The following PKD2L1 variants were observed in gnomAD, a reference collection of about 807,000 sequenced individuals.
The protein encoded by PKD2L1 is polycystin 2 like 1, transient receptor potential cation channel.
In PKD2L1, 77 loss-of-function variants were observed where a neutral mutation model predicts 93.0. The ratio of observed to expected loss-of-function variants is 0.83; its 90% CI spans 0.69 to 1.00. The LOEUF (loss-of-function observed/expected upper bound fraction) is 1.00. Among genes scored for constraint, PKD2L1 ranks in the 50% least tolerant of loss-of-function variants. The probability of loss-of-function intolerance (pLI) is 0.00; values close to 1 mark genes in which losing one functional copy is unlikely to be tolerated. For synonymous variants in PKD2L1, 390 were observed against 388.0 expected (o/e 1.01, Z -0.06); for missense variants, 977 against 990.9 (o/e 0.99, Z 0.19).
chr10:100,290,747 T>C (rs1165099764), intron 12 of PKD2L1, among the ~76,000 whole-genome samples: 3 of 152,192 alleles, frequency 2.0e-5, no homozygotes, highest in Non-Finnish European at 4.4e-5. Context: ...GAAGGCTTGA[T>C]GGATGAGGTA....
In PKD2L1 at chr10:100,289,970, G is replaced by A. The variant is rs561510208; in HGVS notation, c.2250+45C>T. On this transcript the variant is annotated intron_variant, in intron 14 of 15. Coordinates refer to ENST00000318222, the MANE Select transcript of PKD2L1 (RefSeq NM_016112.3). The stretch of plus-strand genomic sequence containing the variant: ...CCCACTGAGTGGAAAAGATGGCAGA[G>A]TTCAGCTGTGAGGAACTAGGAGGAC... 3.1e-6 allele frequency: 5 copies of A among 1,612,022 alleles called. No individual in the cohort carries two copies. The African/African-American group carries it at 6.7e-5, about 22-fold the overall frequency.
At chr10:100,290,652 CAGACTCTGG>C (rs1848387154) in intron 12 of PKD2L1, 133 bp from the exon 13 acceptor site, 1 of 628,574 alleles carries the variant, frequency 1.6e-6, no homozygotes, top group Admixed American at 2.8e-5. Context: ...CCTTCCCTCC[CAGACTCTGG>C]AGACAATAGG....
chr10:100,316,042 C>T (rs1331292460), intron 2 of PKD2L1, among the ~76,000 whole-genome samples: 2 of 152,228 alleles, frequency 1.3e-5, no homozygotes, highest in East Asian at 3.8e-4. Context: ...CTCTCCCTGA[C>T]CACTTTGTCT....
chr10:100,330,190 G>T lies in PKD2L1; in HGVS notation c.-87C>A. On this transcript the variant is annotated 5_prime_UTR_variant, in exon 1 of 16. The change creates a new upstream start codon in the 5' untranslated region. Coordinates refer to ENST00000318222, the MANE Select transcript of PKD2L1 (RefSeq NM_016112.3). The stretch of plus-strand genomic sequence containing the variant: ...GCAGAGGCACAGCCCAGCCTAGCCA[G>T]CAGAGAGCAAATGGAAAGGCGTCTG... 1 of 813,020 alleles carries T rather than the reference G, an allele frequency of 1.2e-6. No homozygotes were observed. Among genetic ancestry groups the T allele is most frequent in the Non-Finnish European group, 1.9e-6 (1 of 514,724 alleles). 50.4% of individuals were successfully genotyped at this position (813,020 alleles called of 1,614,324 possible).
At chr10:100,321,758 G>A (rs199695724) in intron 2 of PKD2L1, among the ~76,000 whole-genome samples, 764 of 1,368 alleles carry the variant, frequency 0.56, 181 homozygotes, top group Non-Finnish European at 0.57. Flanking sequence ...AAAGAAAGAA[G>A]GGAGGGAGGG....
intron 2 of PKD2L1, among the ~76,000 whole-genome samples, chr10:100,316,676 C>T (rs927099454): frequency 6.6e-6 from 1 of 152,372 alleles, no homozygotes; most frequent in African/African-American, 2.4e-5. Context: ...GACTCAGTCT[C>T]TGAGCCAGTG....
chr10:100,315,384 C>T (rs1038898857), intron 2 of PKD2L1, among the ~76,000 whole-genome samples: 2 of 151,968 alleles, frequency 1.3e-5, no homozygotes, highest in Non-Finnish European at 2.9e-5. Flanking sequence ...GGTTTTAAGA[C>T]CTGCACGCAT....
chr10:100,293,019 C>T lies in PKD2L1; in HGVS notation c.1809G>A (p.Ser603=), dbSNP rs767870703. The change falls in exon 11 of 16, where the codon TCG becomes TCA. Residue 603 remains serine, a synonymous_variant. Transcript: ENST00000318222. The part of the protein sequence containing the change: ...LRLRLRKERV[S]DVQKVLQGGE... ...CACCCTGCAGGACCTTCTGCACATC[C>T]GAAACCCTCTCCTTCCTCAGACGCA... The T allele has an allele frequency of 4.9e-5, 79 of 1,614,020 alleles. No homozygotes were observed. In the Middle Eastern group the frequency reaches 4.9e-4, roughly 10 times the overall value.
rs200290739 is a variant in PKD2L1 at position 100,297,540 on chromosome 10, G to A, written c.798C>T (p.Ser266=). Residue 266 remains serine (S), a synonymous_variant, in exon 5 of 16, where the codon AGC becomes AGT. Transcript: ENST00000318222. Reference sequence around the variant, plus strand: ...GAAGGTCCAGGTAGTAGCCACCTCCGCTGTAGCTTGTGAGCCTGCCCCAGT... The same window carrying A: ...GAAGGTCCAGGTAGTAGCCACCTCCACTGTAGCTTGTGAGCCTGCCCCAGT... ...FSHWGRLTSY[S]GGGYYLDLPG... The A allele has an allele frequency of 6.9e-5, 112 of 1,614,054 alleles. No homozygotes were observed. The highest frequency in any genetic ancestry group is 5.7e-4 in the South Asian group (52 of 91,080).
intron 4 of PKD2L1, 122 bp downstream of exon 4, chr10:100,298,440 C>G (rs1848600241): frequency 3.1e-6 from 3 of 980,472 alleles, no homozygotes; most frequent in Admixed American, 2.4e-5. Context: ...GAGATGCCCC[C>G]AGAAGTCCCT....
Position 100,329,219 on chromosome 10 carries a change from A to G in PKD2L1, c.341T>C (p.Ile114Thr). The change falls in exon 2 of 16, where the codon ATC (isoleucine) becomes ACC (threonine). Residue 114 changes from isoleucine to threonine, a missense_variant. Coordinates refer to ENST00000318222, the MANE Select transcript of PKD2L1 (RefSeq NM_016112.3). Reference protein sequence around the residue: ...LLVYIVFLVDICLLTYGMTSS... With the variant: ...LLVYIVFLVDTCLLTYGMTSS... The stretch of plus-strand genomic sequence containing the variant: ...ACACAGATGCTACTCACGTAGACAG[A>G]TGTCCACCAGGAACACAATATATAC... 6.2e-7 allele frequency: 1 copy of G among 1,614,096 alleles called. No individual in the cohort carries two copies. Among genetic ancestry groups the G allele is most frequent in the Non-Finnish European group, 8.5e-7 (1 of 1,179,918 alleles).
rs977665638 is a variant in PKD2L1, at chr10:100,288,175, C to T, written c.*221G>A. On this transcript the variant is annotated 3_prime_UTR_variant, in exon 16 of 16. Transcript: ENST00000318222. ...TTTCCTAAGGAGTTTTATTGATAGC[C>T]ACCATGGAAACCCACATGGTCTTAT... 2 of 489,978 alleles carry T rather than the reference C, an allele frequency of 4.1e-6. No individual in the cohort carries two copies. The highest frequency in any genetic ancestry group is 3.9e-5 in the African/African-American group (2 of 51,834). 30.4% of individuals were successfully genotyped at this position (489,978 alleles called of 1,614,324 possible).
intron 12 of PKD2L1, 112 bp downstream of exon 12, chr10:100,291,189 C>T: frequency 8.9e-7 from 1 of 1,120,762 alleles, no homozygotes. Flanking sequence ...CTAGAGAGTT[C>T]TTTACTATCT....
At chr10:100,302,896 A>C (rs555044843) in intron 2 of PKD2L1, among the ~76,000 whole-genome samples, 67 of 152,214 alleles carry the variant, frequency 4.4e-4, no homozygotes, top group Non-Finnish European at 8.4e-4. Context: ...ATTGCTGATA[A>C]ATTTCTGACT....
At chr10:100,319,727 C>G (rs1203017460) in intron 2 of PKD2L1, among the ~76,000 whole-genome samples, 1 of 152,224 alleles carries the variant, frequency 6.6e-6, no homozygotes, top group Non-Finnish European at 1.5e-5. Flanking sequence ...TATTAATTGG[C>G]ATGTAGCCAT....
chr10:100,290,104 G>C lies in PKD2L1; in HGVS notation c.2161C>G (p.Leu721Val), dbSNP rs771201864. Residue 721 changes from leucine (L) to valine (V), a missense_variant, in exon 14 of 16, where the codon CTG becomes GTG. Coordinates refer to ENST00000318222, the MANE Select transcript of PKD2L1 (RefSeq NM_016112.3). ...TRRVLQLETV[L>V]EGVVSQIDAV... ...TCAATCTGGGACACTACTCCTTCCA[G>C]GACAGTCTCCAGCTGCAGAACTCTC... The C allele has an allele frequency of 6.2e-7, 1 of 1,613,942 alleles. No individual in the cohort carries two copies. Among genetic ancestry groups the C allele is most frequent in the African/African-American group, 1.3e-5 (1 of 74,916 alleles).
rs181613513 is a variant in PKD2L1 at position 100,288,321 on chromosome 10, T to C, written c.*75A>G. 3 of 918,452 alleles carry C rather than the reference T, an allele frequency of 3.3e-6. No homozygotes were observed. Among genetic ancestry groups the C allele is most frequent in the Non-Finnish European group, 5.4e-6 (3 of 551,008 alleles). 56.9% of individuals were successfully genotyped at this position (918,452 alleles called of 1,614,324 possible). ...TCTCCTGGTTAAAGCCCACTCAGTT[T>C]CCAGGTTCAGTGGACCAGGAGGCAG... On this transcript the variant is annotated 3_prime_UTR_variant, in exon 16 of 16. Transcript: ENST00000318222.
chr10:100,303,191 G>GTTT (rs146131470), intron 2 of PKD2L1, among the ~76,000 whole-genome samples: 25,838 of 126,960 alleles, frequency 0.2, 3,783 homozygotes, highest in East Asian at 0.45. Context: ...ACATCAAACT[G>GTTT]TTTTTTTGTT....
chr10:100,299,208 C>T (rs1848622682), intron 3 of PKD2L1, among the ~76,000 whole-genome samples: 1 of 152,194 alleles, frequency 6.6e-6, no homozygotes, highest in Admixed American at 6.5e-5. Context: ...TTGTCTGCCT[C>T]AGCCTCCTAA....
Sources: allele counts gnomAD v4.1 joint callset (sites outside exome capture counted in the v4.1 genomes callset), GRCh38; gene constraint gnomAD v4.1.1; transcripts MANE v1.5; gene names NCBI Gene and HGNC (gene_info 2026-07-23, HGNC 2026-07-21).